NISCH: variants seen among roughly 807,000 people sequenced by gnomAD.
The protein encoded by NISCH is nischarin.
NISCH carries 55 observed loss-of-function variants against 138.4 expected under a neutral mutation model. The observed-to-expected ratio is 0.40, with a 90% CI of 0.32 to 0.50. The LOEUF is 0.50. Among genes scored for constraint, NISCH ranks in the 20% least tolerant of loss-of-function variants. The pLI is 0.71. For missense variants in NISCH, 1,643 were observed against 2,005.5 expected (o/e 0.82, Z 3.45); for synonymous variants, 860 against 861.5 (o/e 1.00, Z 0.03).
Position 52,489,430 on chromosome 3 carries a change from G to T in NISCH, c.3208G>T (p.Gly1070Cys). The change falls in exon 17 of 21, where the codon GGC (glycine) becomes TGC (cysteine). Residue 1070 changes from glycine (G) to cysteine (C), a missense_variant. Transcript: ENST00000345716. ...APAPAAASAS[G>C]PAKTPAPAEA... ...AGCCCCTGCAGCAGCCTCAGCCTCA[G>T]GCCCAGCGAAGACTCCGGCCCCAGC... The T allele has an allele frequency of 3.1e-6, 5 of 1,606,272 alleles. No individual in the cohort carries two copies. The highest frequency in any genetic ancestry group is 4.3e-6 in the Non-Finnish European group (5 of 1,173,918).
chr3:52,476,820 G>A (rs893093522), intron 8 of NISCH, among the ~76,000 whole-genome samples: 15 of 152,082 alleles, frequency 9.9e-5, no homozygotes. Flanking sequence ...GATCACTTGA[G>A]GTCAGGAGTT....
intron 14 of NISCH, 121 bp downstream of exon 14, chr3:52,484,758 T>G (rs1707365193): frequency 1.8e-6 from 2 of 1,129,732 alleles, no homozygotes; most frequent in African/African-American, 3.1e-5. Context: ...GGGTTTGGCG[T>G]CCTCTGCTTT....
chr3:52,482,150 C>T (rs909720791), intron 13 of NISCH, among the ~76,000 whole-genome samples: 1 of 152,138 alleles, frequency 6.6e-6, no homozygotes, highest in African/African-American at 2.4e-5. Context: ...GATTTGGAGG[C>T]CTCCCCGTGT....
chr3:52,457,693 C>T, intron 1 of NISCH, 150 bp from the exon 2 acceptor site: 1 of 675,714 alleles, frequency 1.5e-6, no homozygotes, highest in Non-Finnish European at 2.7e-6. Context: ...CAAGGGCAGC[C>T]TGACTTTGGC....
intron 1 of NISCH, among the ~76,000 whole-genome samples, chr3:52,457,201 A>G (rs909126351): frequency 3.3e-5 from 5 of 152,206 alleles, no homozygotes; most frequent in Non-Finnish European, 7.3e-5. Flanking sequence ...CAGCCAGGAA[A>G]TGGCAGAACC....
In NISCH at chr3:52,487,668, G is replaced by A. The variant is rs1274036569; in HGVS notation, c.2176G>A (p.Ala726Thr). 5.0e-6 allele frequency: 8 copies of A among 1,613,730 alleles called. No individual in the cohort carries two copies. Among genetic ancestry groups the A allele is most frequent in the Admixed American group, 1.7e-5 (1 of 60,014 alleles). The change falls in exon 16 of 21, where the codon GCC becomes ACC. Residue 726 changes from alanine (A) to threonine (T), a missense_variant. Coordinates refer to ENST00000345716, the MANE Select transcript of NISCH (RefSeq NM_007184.4). The surrounding 1 kb of genome is among the most constrained non-coding windows in gnomAD (Gnocchi z 9.1). The part of the protein sequence containing the change: ...IHVQGSIRQF[A>T]ACLVLTDFGI... ...TGTGCAGGGCAGTATCCGCCAGTTC[G>A]CCGCCTGCCTTGTGCTCACCGACTT...
chr3:52,480,032 G>A, intron 12 of NISCH, 152 bp from the exon 13 acceptor site: 2 of 976,700 alleles, frequency 2.0e-6, no homozygotes, highest in Middle Eastern at 6.4e-4. Flanking sequence ...CTGTGGGGTG[G>A]GGACAGTGGT....
At chr3:52,469,107 G>C (rs568163651) in intron 3 of NISCH, among the ~76,000 whole-genome samples, 2 of 152,200 alleles carry the variant, frequency 1.3e-5, no homozygotes, top group Non-Finnish European at 1.5e-5. Flanking sequence ...CCTGTCTCCT[G>C]TGTCTTTAGA....
intron 7 of NISCH, among the ~76,000 whole-genome samples, chr3:52,475,067 T>G (rs1197879603): frequency 1.3e-5 from 2 of 152,122 alleles, no homozygotes; most frequent in African/African-American, 4.8e-5. Flanking sequence ...GATCAAGACT[T>G]AGGTTTGGGC....
chr3:52,457,883 C>G lies in NISCH; in HGVS notation c.134C>G (p.Thr45Arg), dbSNP rs757049230. 9.3e-6 allele frequency: 15 copies of G among 1,611,956 alleles called. No homozygotes were observed. In the Admixed American group the frequency reaches 1.2e-4, roughly 13 times the overall value. ...GTCACTGATGGCAGCCATGAGTGGA[C>G]AGTAAAGCACCGCTACAGCGACTTC... ...IQVTDGSHEW[T>R]VKHRYSDFHD... Residue 45 changes from threonine to arginine, a missense_variant, in exon 2 of 21, where the codon ACA (threonine) becomes AGA (arginine). Coordinates refer to ENST00000345716, the MANE Select transcript of NISCH (RefSeq NM_007184.4).
At chr3:52,477,144 T>C (rs1707120481) in intron 8 of NISCH, among the ~76,000 whole-genome samples, 1 of 152,224 alleles carries the variant, frequency 6.6e-6, no homozygotes, top group Admixed American at 6.5e-5. Flanking sequence ...CACTAAATGA[T>C]GACATTTGCT....
chr3:52,488,009 C>T lies in NISCH; in HGVS notation c.2517C>T (p.Leu839=), dbSNP rs951114741. The T allele has an allele frequency of 3.7e-6, 6 of 1,612,424 alleles. No homozygotes were observed. ...TSLQEFLRQL[L]TFYKVAGGCQ... is the part of the protein sequence containing the mutation. ...TGCAGGAGTTCCTGCGCCAGCTGCT[C>T]ACCTTCTACAAGGTGGCTGGCGGCT... The change falls in exon 16 of 21, where the codon CTC becomes CTT. Residue 839 remains leucine, a synonymous_variant. Transcript: ENST00000345716.
chr3:52,488,596 G>T lies in NISCH; in HGVS notation c.3104G>T (p.Arg1035Leu). ...TTTGCGGATGGCCAGCCTGCCGAGC[G>T]CAGGGCCAGGTGAGATCAAGCACAG... Reference protein sequence around the residue: ...GSFADGQPAERRASNDQRPQE... With the variant: ...GSFADGQPAELRASNDQRPQE... The change falls in exon 16 of 21, where the codon CGC (arginine) becomes CTC (leucine). Residue 1035 changes from arginine to leucine, a missense_variant. Physicochemically the swap from Arg to Leu is moderately radical, Grantham distance 102. Coordinates refer to ENST00000345716, the MANE Select transcript of NISCH (RefSeq NM_007184.4). 1 of 1,609,348 alleles carries T rather than the reference G, an allele frequency of 6.2e-7. No homozygotes were observed. The highest frequency in any genetic ancestry group is 8.5e-7 in the Non-Finnish European group (1 of 1,178,110).
intron 16 of NISCH, 48 bp downstream of exon 16, chr3:52,488,653 ATG>A: frequency 2.1e-6 from 3 of 1,448,750 alleles, no homozygotes; most frequent in Non-Finnish European, 2.8e-6. Flanking sequence ...TGGGTCTGGC[ATG>A]TGTGTGATCT....
intron 6 of NISCH, among the ~76,000 whole-genome samples, chr3:52,473,395 G>A (rs781367026): frequency 2.0e-5 from 3 of 152,144 alleles, no homozygotes; most frequent in Admixed American, 6.5e-5. Context: ...CACCCCACTC[G>A]CTGTGCTGTG....
rs765100806 is a variant in NISCH, at chr3:52,492,279, C to T, written c.4312C>T (p.Gln1438Ter). Residue 1438 changes from glutamine to a stop codon, truncating the protein, a stop_gained, in exon 21 of 21, where the codon CAA becomes TAA. Transcript: ENST00000345716. LOFTEE classifies it high-confidence loss of function. ...QALTLVFDDV[Q>*]GHDLMGSVTL... ...CCTCACCCTCGTCTTCGATGACGTG[C>T]AAGGTCATGACCTCATGGGCAGTGT... is the stretch of plus-strand genomic sequence containing the variant. The T allele has an allele frequency of 1.9e-6, 3 of 1,613,248 alleles. No homozygotes were observed. Among genetic ancestry groups the T allele is most frequent in the African/African-American group, 2.7e-5 (2 of 74,952 alleles).
chr3:52,458,051 C>T lies in NISCH; in HGVS notation c.177+125C>T, dbSNP rs1050206375. 29 of 671,566 alleles carry T rather than the reference C, an allele frequency of 4.3e-5. No homozygotes were observed. In the Middle Eastern group the frequency reaches 2.1e-3, roughly 48 times the overall value. The allele number at this position is 671,566 out of a possible 1,614,324, so 41.6% of individuals were successfully genotyped here. ...ATCTCTATAGTTCTTTAATAAACCA[C>T]TTTGTTAATATAACTGCGTTCATTA... On this transcript the variant is annotated intron_variant, in intron 2 of 20. Coordinates refer to ENST00000345716, the MANE Select transcript of NISCH (RefSeq NM_007184.4).
At chr3:52,481,649 T>G (rs1707277305) in intron 13 of NISCH, 1 of 985,518 alleles carries the variant, frequency 1.0e-6, no homozygotes, top group Admixed American at 6.2e-5. Context: ...GATCAGTGAG[T>G]GAGTGAGTGG....
chr3:52,488,934 C>T (rs750485242), intron 16 of NISCH, among the ~76,000 whole-genome samples: 1 of 152,214 alleles, frequency 6.6e-6, no homozygotes, highest in African/African-American at 2.4e-5. Context: ...TGCAGCACAC[C>T]GAGGCCAGGA....
Sources: allele counts gnomAD v4.1 joint callset (sites outside exome capture counted in the v4.1 genomes callset), GRCh38; gene constraint gnomAD v4.1.1; non-coding constraint Gnocchi (gnomAD v3.1); transcripts MANE v1.5; gene names NCBI Gene and HGNC (gene_info 2026-07-23, HGNC 2026-07-21).